DLG4: variants seen among roughly 807,000 people sequenced by gnomAD.
The protein encoded by DLG4 is discs large MAGUK scaffold protein 4, also known as disks large homolog 4.
A neutral mutation model predicts 93.8 loss-of-function variants in DLG4; 7 were observed. The observed-to-expected ratio is 0.07, with a 90% CI of 0.04 to 0.14. The LOEUF is 0.14. DLG4 is among the 10% of genes least tolerant of loss of function. The pLI, the probability that DLG4 is intolerant of heterozygous loss-of-function variation, is 1.00. For missense variants in DLG4, 545 were observed against 992.9 expected (o/e 0.55, Z 6.06); for synonymous variants, 341 against 387.6 (o/e 0.88, Z 1.41).
At position 7,191,926 on chromosome 17, in the gene DLG4, A is replaced by C; in HGVS notation, c.1943T>G (p.Ile648Ser). ...LQAAHLHPIA[I>S]FIRPRSLENV... is the part of the protein sequence containing the mutation. ...CTCCAGGGAGCGGGGGCGGATGAAG[A>C]TGGCGATGGGGTGCAGGTGGGCCGC... Residue 648 changes from isoleucine (I) to serine (S), a missense_variant, in exon 18 of 20, where the codon ATC becomes AGC. Physicochemically the swap from Ile to Ser is moderately radical, Grantham distance 142. Coordinates refer to ENST00000399506, the MANE Select transcript of DLG4 (RefSeq NM_001321075.3). This position sits in a 1 kb window ranked among gnomAD's most constrained non-coding sequence, Gnocchi z 6.6. 1 of 1,484,602 alleles carries C rather than the reference A, an allele frequency of 6.7e-7. No homozygotes were observed. The highest frequency in any genetic ancestry group is 9.0e-7 in the Non-Finnish European group (1 of 1,113,266). 92.0% of individuals were successfully genotyped at this position (1,484,602 alleles called of 1,614,324 possible).
chr17:7,195,447 C>CCAACAAGAGGGAAACTGCTGGCA lies in DLG4; in HGVS notation c.1301+750_1301+772dup, dbSNP rs2069725690. ...GTGTCTGGGTGGCTGGTGATGCCAT[C>CCAACAAGAGGGAAACTGCTGGCA]CAACAAGAGGGAAACTGCTGGCACA... On this transcript the variant is annotated intron_variant, in intron 11 of 19. Coordinates refer to ENST00000399506, the MANE Select transcript of DLG4 (RefSeq NM_001321075.3). This position sits in a 1 kb window ranked among gnomAD's most constrained non-coding sequence, Gnocchi z 4.3. Among the ~76,000 whole-genome samples, 1 of 152,094 alleles carries CCAACAAGAGGGAAACTGCTGGCA rather than the reference C, an allele frequency of 6.6e-6. No individual in the cohort carries two copies. Among genetic ancestry groups the CCAACAAGAGGGAAACTGCTGGCA allele is most frequent in the African/African-American group, 2.4e-5 (1 of 41,386 alleles).
chr17:7,212,775 C>T (rs992387933), intron 1 of DLG4, among the ~76,000 whole-genome samples: 1 of 152,166 alleles, frequency 6.6e-6, no homozygotes, highest in Non-Finnish European at 1.5e-5. Flanking sequence ...TGGCTCACAC[C>T]TGTAATCCCA....
Position 7,211,621 on chromosome 17 carries a change from A to T in DLG4, c.31-3382T>A, listed in dbSNP as rs937744551. ...CCCTGATATTTGCGGGGGTCCGGGA[A>T]GGGGGAGCGGGCCGGAGCCCATACC... On this transcript the variant is annotated intron_variant, in intron 1 of 19. Transcript: ENST00000399506. The T allele has an allele frequency of 3.3e-6, 3 of 920,536 alleles. No homozygotes were observed. In the African/African-American group the frequency reaches 5.4e-5, roughly 17 times the overall value. The allele number at this position is 920,536 out of a possible 1,614,324, so 57.0% of individuals were successfully genotyped here.
At chr17:7,219,677 A>AC, upstream of DLG4, 1 of 1,330,638 alleles carries the variant, frequency 7.5e-7, no homozygotes, top group Non-Finnish European at 9.7e-7. Context: ...GGCTGCAGTG[A>AC]CTTAAGCCCC....
In DLG4 at chr17:7,191,813, A is replaced by T; in HGVS notation, c.1976+80T>A. 2.0e-6 allele frequency: 2 copies of T among 988,938 alleles called. No homozygotes were observed. Among genetic ancestry groups the T allele is most frequent in the East Asian group, 5.2e-5 (2 of 38,622 alleles). The allele number at this position is 988,938 out of a possible 1,614,324, so 61.3% of individuals were successfully genotyped here. On this transcript the variant is annotated intron_variant, in intron 18 of 19. Transcript: ENST00000399506. The surrounding 1 kb of genome is among the most constrained non-coding windows in gnomAD (Gnocchi z 6.6). ...CCGCTGTCCAGGGTTCTGAAGGGAGAGTTGAACGCAGACGCCTTGTGAGGC... is the reference window on the plus strand; with the variant it reads ...CCGCTGTCCAGGGTTCTGAAGGGAGTGTTGAACGCAGACGCCTTGTGAGGC...
chr17:7,212,800 C>T (rs1423232549), intron 1 of DLG4, among the ~76,000 whole-genome samples: 1 of 152,024 alleles, frequency 6.6e-6, no homozygotes, highest in Non-Finnish European at 1.5e-5. Flanking sequence ...TTTGGGAGGC[C>T]GAGGCGGTTG....
In DLG4 at chr17:7,196,964, C is replaced by T. The variant is rs1273509969; in HGVS notation, c.876G>A (p.Arg292=). The T allele has an allele frequency of 6.2e-7, 1 of 1,613,596 alleles. No homozygotes were observed. Among genetic ancestry groups the T allele is most frequent in the Non-Finnish European group, 8.5e-7 (1 of 1,179,834 alleles). Residue 292 remains arginine, a synonymous_variant, in exon 9 of 20, where the codon CGG becomes CGA. Coordinates refer to ENST00000399506, the MANE Select transcript of DLG4 (RefSeq NM_001321075.3). This position sits in a 1 kb window ranked among gnomAD's most constrained non-coding sequence, Gnocchi z 8.3. The part of the protein sequence containing the change: ...YPTAMTPTSP[R]RYSPVAKDLL... The stretch of plus-strand genomic sequence containing the variant: ...GGTCCTTGGCCACTGGAGAGTAGCG[C>T]CGAGGGGAAGTGGGGGTCATGGCTG...
rs1487338925 is a variant in DLG4, at chr17:7,217,539, G to T, written c.-392C>A. The T allele has an allele frequency of 1.4e-6, 1 of 702,274 alleles. No homozygotes were observed. The highest frequency in any genetic ancestry group is 1.7e-6 in the Non-Finnish European group (1 of 579,814). 43.5% of individuals were successfully genotyped at this position (702,274 alleles called of 1,614,324 possible). A position where few individuals can be genotyped will look rare whatever the true frequency, so the allele number is the denominator to read the frequency against. On this transcript the variant is annotated 5_prime_UTR_variant, in exon 1 of 20. Transcript: ENST00000399506. ...GTCTTGCCAAACGGCCAGGGGCTAG[G>T]GGCCGTGGCGGGGGAGTGGGGTGGG...
At chr17:7,205,090 G>A in intron 2 of DLG4, 5 of 985,572 alleles carry the variant, frequency 5.1e-6, no homozygotes, top group Non-Finnish European at 6.0e-6. Flanking sequence ...GAGGAGGCCG[G>A]GCTGAAGAGG....
At chr17:7,211,971 G>T (rs1444573383) in intron 1 of DLG4, among the ~76,000 whole-genome samples, 8 of 151,838 alleles carry the variant, frequency 5.3e-5, no homozygotes, top group Non-Finnish European at 1.2e-4. Context: ...CTTCTATTCC[G>T]ACCCCTCTAC....
chr17:7,211,030 G>C (rs2070683360), intron 1 of DLG4, among the ~76,000 whole-genome samples: 1 of 149,766 alleles, frequency 6.7e-6, no homozygotes, highest in Non-Finnish European at 1.5e-5. Context: ...TGGGTGCCAG[G>C]GTTTCCAGAA....
At chr17:7,192,095 G>T in intron 17 of DLG4, 93 bp from the exon 18 acceptor site, 2 of 695,096 alleles carry the variant, frequency 2.9e-6, no homozygotes, top group Non-Finnish European at 2.3e-6. Flanking sequence ...GAGAGGTGGG[G>T]AATGGGAAGT....
intron 2 of DLG4, among the ~76,000 whole-genome samples, chr17:7,206,679 C>T (rs1268138115): frequency 6.6e-6 from 1 of 152,148 alleles, no homozygotes; most frequent in Non-Finnish European, 1.5e-5. Flanking sequence ...CTCTGTCAGC[C>T]TCATTCACTG....
Position 7,194,550 on chromosome 17 carries a change from C to T in DLG4, c.1302-55G>A, listed in dbSNP as rs1477258290. On this transcript the variant is annotated intron_variant, in intron 11 of 19. Transcript: ENST00000399506. This position sits in a 1 kb window ranked among gnomAD's most constrained non-coding sequence, Gnocchi z 4.4. ...CCAGCTGAGGACTCCAGGAAGGATGCCCCAGTCACCCAAAGACCCGGCCCA... is the reference window on the plus strand; with the variant it reads ...CCAGCTGAGGACTCCAGGAAGGATGTCCCAGTCACCCAAAGACCCGGCCCA... 5 of 1,541,770 alleles carry T rather than the reference C, an allele frequency of 3.2e-6. No individual in the cohort carries two copies. Among genetic ancestry groups the T allele is most frequent in the Non-Finnish European group, 1.8e-6 (2 of 1,141,150 alleles).
chr17:7,189,609 A>C lies in DLG4; in HGVS notation c.*1099T>G, dbSNP rs768676709. 2.6e-5 allele frequency among the ~76,000 whole-genome samples: 4 copies of C among 152,186 alleles called. No individual in the cohort carries two copies. The highest frequency in any genetic ancestry group is 5.9e-5 in the Non-Finnish European group (4 of 68,030). On this transcript the variant is annotated 3_prime_UTR_variant, in exon 20 of 20. Coordinates refer to ENST00000399506, the MANE Select transcript of DLG4 (RefSeq NM_001321075.3). ...TCCTTTAAGGACTGTTGTGCTTCCCAACAGGACTGAGACAGCCCGGCAGGG... is the reference window on the plus strand; with the variant it reads ...TCCTTTAAGGACTGTTGTGCTTCCCCACAGGACTGAGACAGCCCGGCAGGG...
In DLG4 at chr17:7,191,287, T is replaced by G; in HGVS notation, c.2048A>C (p.Glu683Ala). ...AFDRATKLEQ[E>A]FTECFSAIVE... is the part of the protein sequence containing the mutation. ...CTCACCTGAGAAGCACTCTGTGAAC[T>G]CCTGCTCCAGCTTGGTGGCTCTGTC... The change falls in exon 19 of 20, where the codon GAG (glutamate) becomes GCG (alanine). Residue 683 changes from glutamate (E) to alanine (A), a missense_variant. Glu to Ala is a moderately radical substitution (Grantham distance 107). Coordinates refer to ENST00000399506, the MANE Select transcript of DLG4 (RefSeq NM_001321075.3). The surrounding 1 kb of genome is among the most constrained non-coding windows in gnomAD (Gnocchi z 6.6). The G allele has an allele frequency of 6.2e-7, 1 of 1,613,968 alleles. No homozygotes were observed. Among genetic ancestry groups the G allele is most frequent in the Non-Finnish European group, 8.5e-7 (1 of 1,179,858 alleles).
chr17:7,211,753 G>A (rs1219546495), intron 1 of DLG4: 1 of 143,182 alleles, frequency 7.0e-6, no homozygotes, highest in African/African-American at 2.9e-5. Context: ...CAAGGGTCCC[G>A]GGGGTTGGGG....
Position 7,203,884 on chromosome 17 carries a change from G to C in DLG4, c.211-68C>G. On this transcript the variant is annotated intron_variant, in intron 4 of 19. Transcript: ENST00000399506. The surrounding 1 kb of genome is among the most constrained non-coding windows in gnomAD (Gnocchi z 7.2). The stretch of plus-strand genomic sequence containing the variant: ...AAGTCTGGCAAGGCAAGTGGGGTGG[G>C]AAATGGCTTGGAGCAGCCAGAGGAG... The C allele has an allele frequency of 6.3e-7, 1 of 1,598,492 alleles. No homozygotes were observed. The highest frequency in any genetic ancestry group is 8.5e-7 in the Non-Finnish European group (1 of 1,172,350).
At chr17:7,217,789 G>A, upstream of DLG4, 1 of 1,535,368 alleles carries the variant, frequency 6.5e-7, no homozygotes, top group East Asian at 2.4e-5. Context: ...GACCTGGCCA[G>A]CCACCAGCGA....
Sources: gnomAD v4.1 joint callset for allele counts (sites outside exome capture counted in the v4.1 genomes callset) on GRCh38, gnomAD v4.1.1 for gene constraint, Gnocchi (gnomAD v3.1) non-coding constraint, MANE v1.5 for transcripts, NCBI Gene and HGNC (gene_info 2026-07-23, HGNC 2026-07-21) for gene names.